The following ULK2 variants were observed in gnomAD, a reference collection of about 807,000 sequenced individuals.
ULK2 encodes the protein unc-51 like autophagy activating kinase 2.
A neutral mutation model predicts 127.5 loss-of-function variants in ULK2; 76 were observed. The ratio of observed to expected loss-of-function variants is 0.60; its 90% CI spans 0.50 to 0.72. The LOEUF is 0.72. Ranked by LOEUF, ULK2 falls within the 30% of genes least tolerant of loss-of-function variation. ULK2 has a pLI of 0.00. For synonymous variants in ULK2, 452 were observed against 461.9 expected, an observed-to-expected ratio of 0.98 and a Z score of 0.28; for missense variants, 1,144 against 1,295.9, an observed-to-expected ratio of 0.88 and a Z score of 1.80.
intron 3 of ULK2, among the ~76,000 whole-genome samples, chr17:19,856,695 G>C (rs375997708): frequency 1.3e-5 from 2 of 151,486 alleles, no homozygotes; most frequent in Admixed American, 1.3e-4. Flanking sequence ...TTTTACGGCC[G>C]GGTGCAGTGG....
At chr17:19,828,366 A>G (rs1389429636) in intron 10 of ULK2, among the ~76,000 whole-genome samples, 2 of 152,224 alleles carry the variant, frequency 1.3e-5, no homozygotes, top group African/African-American at 4.8e-5. Flanking sequence ...AAAATCCAAT[A>G]GTACTGTAAT....
In ULK2 at chr17:19,804,746, C is replaced by T. The variant is rs1432617480; in HGVS notation, c.1242G>A (p.Glu414=). ...PTQIRNYQRI[E]QNLTSTASSG... ...AGCTGGCAGTAGATGTAAGATTCTG[C>T]TCTATGCGCTGATAATTCCTTATTT... The change falls in exon 15 of 27, where the codon GAG becomes GAA. Residue 414 remains glutamate, a synonymous_variant. Transcript: ENST00000395544. The T allele has an allele frequency of 1.9e-6, 3 of 1,611,936 alleles. No individual in the cohort carries two copies. The highest frequency in any genetic ancestry group is 2.5e-6 in the Non-Finnish European group (3 of 1,178,824).
chr17:19,863,695 A>C (rs982607917), intron 3 of ULK2, among the ~76,000 whole-genome samples: 2 of 151,818 alleles, frequency 1.3e-5, no homozygotes, highest in African/African-American at 4.8e-5. Context: ...TTTTTAACAT[A>C]ATATGGCCCT....
rs536910188 is a variant in ULK2, at chr17:19,854,817, C to T, written c.226-5043G>A. ...TAGGAACTTCCATATATTAAAGACA[C>T]GGCGGGGGCATGGTGGCTTAAGACT... On this transcript the variant is annotated intron_variant, in intron 3 of 26. Transcript: ENST00000395544. Among the ~76,000 whole-genome samples, 10 of 152,060 alleles carry T rather than the reference C, an allele frequency of 6.6e-5. No individual in the cohort carries two copies. The South Asian group carries it at 1.0e-3, about 16-fold the overall frequency.
At position 19,822,373 on chromosome 17, in the gene ULK2, T is replaced by A. The variant is rs906911209; in HGVS notation, c.924+2721A>T. On this transcript the variant is annotated intron_variant, in intron 12 of 26. Coordinates refer to ENST00000395544, the MANE Select transcript of ULK2 (RefSeq NM_014683.4). Reference sequence around the variant, plus strand: ...CTTATTTTATTTTTTATTTTATTTTTTTTTTTGAGATAGAGTCTCGCTCTG... The same window carrying A: ...CTTATTTTATTTTTTATTTTATTTTATTTTTTGAGATAGAGTCTCGCTCTG... Among the ~76,000 whole-genome samples the A allele has an allele frequency of 7.9e-5, 12 of 151,846 alleles. No individual in the cohort carries two copies. The East Asian group carries it at 1.5e-3, about 20-fold the overall frequency.
intron 20 of ULK2, among the ~76,000 whole-genome samples, chr17:19,789,844 T>A (rs1597717725): frequency 3.2e-5 from 3 of 94,184 alleles, no homozygotes; most frequent in African/African-American, 4.1e-5. Flanking sequence ...TATCTGAAAA[T>A]ACAGAGGAAA....
chr17:19,812,621 C>T (rs1043845126), intron 13 of ULK2, among the ~76,000 whole-genome samples: 1 of 152,216 alleles, frequency 6.6e-6, no homozygotes, highest in African/African-American at 2.4e-5. Context: ...CAGCTCGCTG[C>T]TGCCACCCAG....
intron 15 of ULK2, among the ~76,000 whole-genome samples, 197 bp from the exon 16 acceptor site, chr17:19,802,119 A>G (rs1001206631): frequency 5.9e-5 from 9 of 152,190 alleles, no homozygotes; most frequent in African/African-American, 2.2e-4. Context: ...AATTCCCAAC[A>G]CTTCCCCAAT....
In ULK2 at chr17:19,842,475, G is replaced by A. The variant is rs1039829986; in HGVS notation, c.645+646C>T. ...GCCTCCCAAAGTGCTGGGATTACAGGTGTGAGCCACCACGCCTGGCCATCA... is the reference window on the plus strand; with the variant it reads ...GCCTCCCAAAGTGCTGGGATTACAGATGTGAGCCACCACGCCTGGCCATCA... On this transcript the variant is annotated intron_variant, in intron 8 of 26. Coordinates refer to ENST00000395544, the MANE Select transcript of ULK2 (RefSeq NM_014683.4). 3.3e-5 allele frequency among the ~76,000 whole-genome samples: 5 copies of A among 152,008 alleles called. No homozygotes were observed. The South Asian group carries it at 1.0e-3, about 32-fold the overall frequency.
chr17:19,783,040 CTT>C (rs1226709372), intron 22 of ULK2, among the ~76,000 whole-genome samples: 1 of 152,168 alleles, frequency 6.6e-6, no homozygotes, highest in Non-Finnish European at 1.5e-5. Flanking sequence ...GTTTCCCACT[CTT>C]TTATGGTTAA....
chr17:19,803,841 C>T (rs2087453176), intron 15 of ULK2, among the ~76,000 whole-genome samples: 1 of 152,100 alleles, frequency 6.6e-6, no homozygotes, highest in Non-Finnish European at 1.5e-5. Context: ...TAGACTATGT[C>T]CATGACATAC....
intron 3 of ULK2, among the ~76,000 whole-genome samples, chr17:19,861,726 C>G (rs568346198): frequency 6.6e-6 from 1 of 152,184 alleles, no homozygotes; most frequent in Non-Finnish European, 1.5e-5. Context: ...CTAAGACAAA[C>G]TACACAAACA....
intron 15 of ULK2, among the ~76,000 whole-genome samples, chr17:19,803,784 C>T (rs1047290911): frequency 6.6e-6 from 1 of 152,172 alleles, no homozygotes; most frequent in African/African-American, 2.4e-5. Context: ...TAACAGTTAA[C>T]AACTTTGTGT....
intron 10 of ULK2, among the ~76,000 whole-genome samples, chr17:19,831,849 G>A (rs920016522): frequency 1.3e-5 from 2 of 151,586 alleles, no homozygotes; most frequent in South Asian, 2.1e-4. Context: ...AAATAGGCCA[G>A]GCATGGTGGC....
At position 19,867,622 on chromosome 17, in the gene ULK2, G is replaced by C. The variant is rs978213262; in HGVS notation, c.-205C>G. 11 of 277,626 alleles carry C rather than the reference G, an allele frequency of 4.0e-5. No individual in the cohort carries two copies. The highest frequency in any genetic ancestry group is 2.5e-4 in the African/African-American group (11 of 44,414). The allele number at this position is 277,626 out of a possible 1,614,324, so 17.2% of individuals were successfully genotyped here. A position where few individuals can be genotyped will look rare whatever the true frequency, so the allele number is the denominator to read the frequency against. Reference sequence around the variant, plus strand: ...CGCGGAGCCAGGGTCAGCGAGGCCCGGCCCGGCCCCTGCCGCTCATGGCCC... The same window carrying C: ...CGCGGAGCCAGGGTCAGCGAGGCCCCGCCCGGCCCCTGCCGCTCATGGCCC... On this transcript the variant is annotated 5_prime_UTR_variant, in exon 1 of 27. Transcript: ENST00000395544.
At chr17:19,864,035 G>A (rs941463292) in intron 3 of ULK2, among the ~76,000 whole-genome samples, 4 of 152,096 alleles carry the variant, frequency 2.6e-5, no homozygotes, top group Non-Finnish European at 5.9e-5. Flanking sequence ...GGCCATGTGT[G>A]GTGGCTCACA....
At chr17:19,840,932 G>A (rs1261806477) in intron 9 of ULK2, among the ~76,000 whole-genome samples, 3 of 151,944 alleles carry the variant, frequency 2.0e-5, no homozygotes, top group Admixed American at 6.6e-5. Flanking sequence ...ATCTTGCTGC[G>A]GAACATCATC....
At chr17:19,839,893 T>C (rs1447621324) in intron 9 of ULK2, among the ~76,000 whole-genome samples, 3 of 152,014 alleles carry the variant, frequency 2.0e-5, no homozygotes, top group Non-Finnish European at 4.4e-5. Flanking sequence ...GTGTATCTTT[T>C]GGTCTGACAA....
At position 19,820,049 on chromosome 17, in the gene ULK2, A is replaced by ATTT. The variant is rs199698459; in HGVS notation, c.925-3132_925-3130dup. 6.1e-5 allele frequency among the ~76,000 whole-genome samples: 3 copies of ATTT among 49,020 alleles called. 1 individual carries two copies. 32.2% of individuals were successfully genotyped at this position (49,020 alleles called of 152,430 possible). ...CATTCCAATGGCTCACTGCAACTTT[A>ATTT]TTTATTTTTTTTTTTTTTGAGATGG... On this transcript the variant is annotated intron_variant, in intron 12 of 26. Transcript: ENST00000395544.
Sources: allele counts gnomAD v4.1 joint callset (sites outside exome capture counted in the v4.1 genomes callset), GRCh38; gene constraint gnomAD v4.1.1; transcripts MANE v1.5; gene names NCBI Gene and HGNC (gene_info 2026-07-23, HGNC 2026-07-21).